PCSK5: variants seen among roughly 807,000 people sequenced by gnomAD.
PCSK5 encodes proprotein convertase subtilisin/kexin type 5.
A neutral mutation model predicts 233.2 loss-of-function variants in PCSK5; 129 were observed. The ratio of observed to expected loss-of-function variants is 0.55; its 90% CI spans 0.48 to 0.64. The LOEUF (loss-of-function observed/expected upper bound fraction) is 0.64. Among genes scored for constraint, PCSK5 ranks in the 30% least tolerant of loss-of-function variants. The probability of loss-of-function intolerance (pLI) is 0.00; values close to 1 mark genes in which losing one functional copy is unlikely to be tolerated. For missense variants in PCSK5, 2,076 were observed against 2,430.1 expected (o/e 0.85, Z 3.06); for synonymous variants, 825 against 879.2 (o/e 0.94, Z 1.09).
At chr9:75,992,346 C>T (rs2131406156) in intron 3 of PCSK5, among the ~76,000 whole-genome samples, 1 of 152,290 alleles carries the variant, frequency 6.6e-6, no homozygotes, top group South Asian at 2.1e-4. Flanking sequence ...ACATAAAACA[C>T]ATATTCGTAC....
intron 9 of PCSK5, among the ~76,000 whole-genome samples, chr9:76,130,961 G>C (rs551049255): frequency 6.6e-6 from 1 of 152,254 alleles, no homozygotes; most frequent in Admixed American, 6.5e-5. Flanking sequence ...TGTTGCACAA[G>C]TTTGTCTATT....
At chr9:76,270,460 A>T (rs1350074105) in intron 24 of PCSK5, among the ~76,000 whole-genome samples, 1 of 152,176 alleles carries the variant, frequency 6.6e-6, no homozygotes, top group Non-Finnish European at 1.5e-5. Flanking sequence ...TGGCCCCCAC[A>T]ATCTCCAAAG....
intron 1 of PCSK5, among the ~76,000 whole-genome samples, chr9:75,909,199 C>T (rs188658475): frequency 1.3e-5 from 2 of 151,666 alleles, no homozygotes; most frequent in Non-Finnish European, 2.9e-5. Context: ...GTGATGCACA[C>T]CTGTAGTGTC....
At chr9:76,251,633 C>G (rs144285423) in intron 24 of PCSK5, among the ~76,000 whole-genome samples, 2 of 151,086 alleles carry the variant, frequency 1.3e-5, no homozygotes, top group Non-Finnish European at 2.9e-5. Context: ...CATTAATATT[C>G]TCTTTGCTGA....
At chr9:75,989,613 G>T (rs148088370) in intron 3 of PCSK5, among the ~76,000 whole-genome samples, 5 of 152,290 alleles carry the variant, frequency 3.3e-5, no homozygotes, top group South Asian at 2.1e-4. Flanking sequence ...AGACTCAAAG[G>T]CTTGGTGAGA....
chr9:76,335,138 A>G (rs1315642405), intron 34 of PCSK5, among the ~76,000 whole-genome samples: 1 of 152,196 alleles, frequency 6.6e-6, no homozygotes, highest in Non-Finnish European at 1.5e-5. Context: ...GCCCTTCTGC[A>G]TCACCCTAGT....
chr9:76,030,260 G>A lies in PCSK5; in HGVS notation c.632+3223G>A, dbSNP rs1484625772. On this transcript the variant is annotated intron_variant, in intron 5 of 37. Coordinates refer to ENST00000674117, the MANE Select transcript of PCSK5 (RefSeq NM_001372043.1). ...ATAAACATTTTAGCTCTCCATGAGA[G>A]TCCTGAAAGGTTTTTTTCCCTTTAT... Among the ~76,000 whole-genome samples the A allele has an allele frequency of 1.2e-4, 18 of 152,102 alleles. 1 individual carries two copies. The highest frequency in any genetic ancestry group is 1.2e-3 in the Admixed American group (18 of 15,264).
chr9:76,234,591 T>C (rs1826193578), intron 22 of PCSK5, among the ~76,000 whole-genome samples: 1 of 152,244 alleles, frequency 6.6e-6, no homozygotes, highest in African/African-American at 2.4e-5. Context: ...TTGTGTTTCA[T>C]GTGTCAAAAC....
intron 28 of PCSK5, among the ~76,000 whole-genome samples, chr9:76,303,786 G>C (rs111490258): frequency 2.0e-5 from 3 of 152,288 alleles, no homozygotes; most frequent in African/African-American, 7.2e-5. Flanking sequence ...CAATCCTGTG[G>C]CCAAGGTGGC....
At chr9:76,289,689 C>T (rs1828219086) in intron 24 of PCSK5, among the ~76,000 whole-genome samples, 1 of 152,106 alleles carries the variant, frequency 6.6e-6, no homozygotes, top group South Asian at 2.1e-4. Context: ...AGTGGTCAAG[C>T]TAAATCCATT....
At chr9:76,315,254 C>T (rs1475360122) in intron 30 of PCSK5, among the ~76,000 whole-genome samples, 3 of 152,092 alleles carry the variant, frequency 2.0e-5, no homozygotes, top group African/African-American at 7.2e-5. Context: ...GTGACAGTAA[C>T]ATATATCATT....
chr9:75,999,466 G>C (rs1214714893), intron 3 of PCSK5, among the ~76,000 whole-genome samples: 1 of 152,188 alleles, frequency 6.6e-6, no homozygotes, highest in Non-Finnish European at 1.5e-5. Context: ...TGTTTCTATA[G>C]ATATTAAATT....
chr9:76,311,815 C>G (rs1175820771), intron 30 of PCSK5, among the ~76,000 whole-genome samples: 1 of 152,204 alleles, frequency 6.6e-6, no homozygotes, highest in East Asian at 1.9e-4. Flanking sequence ...TTAGCTCATC[C>G]TCTCTGACTG....
rs1827150691 is a variant in PCSK5 at position 76,260,870 on chromosome 9, G to T, written c.3142+20186G>T. Reference sequence around the variant, plus strand: ...TTTAAACTATGTAATAAAGTACTTGGCACATGGGAAGGGCTCAATAAATGT... The same window carrying T: ...TTTAAACTATGTAATAAAGTACTTGTCACATGGGAAGGGCTCAATAAATGT... On this transcript the variant is annotated intron_variant, in intron 24 of 37. Transcript: ENST00000674117. Among the ~76,000 whole-genome samples, 5 of 152,070 alleles carry T rather than the reference G, an allele frequency of 3.3e-5. No individual in the cohort carries two copies. The South Asian group carries it at 1.0e-3, about 32-fold the overall frequency.
intron 15 of PCSK5, among the ~76,000 whole-genome samples, chr9:76,180,079 G>GTC (rs1823785271): frequency 1.1e-5 from 1 of 92,412 alleles, no homozygotes; most frequent in Non-Finnish European, 2.1e-5. Flanking sequence ...ATATATATGT[G>GTC]TGTGTGTGTA....
At chr9:76,229,450 C>T (rs1390140) in intron 21 of PCSK5, among the ~76,000 whole-genome samples, 58,631 of 152,038 alleles carry the variant, frequency 0.39, 11,556 homozygotes, top group Middle Eastern at 0.42. Context: ...CTCTGTGATG[C>T]CAGGATCCTC....
chr9:76,097,800 C>T (rs199514473), intron 8 of PCSK5, among the ~76,000 whole-genome samples: 2 of 152,226 alleles, frequency 1.3e-5, no homozygotes, highest in African/African-American at 2.4e-5. Flanking sequence ...TCTAACTTTT[C>T]GGGGATGCCC....
chr9:76,135,806 T>C (rs927839985), intron 10 of PCSK5, among the ~76,000 whole-genome samples: 4 of 152,114 alleles, frequency 2.6e-5, no homozygotes, highest in Admixed American at 2.6e-4. Flanking sequence ...ACTAAGGACA[T>C]TAACCTCCAT....
chr9:76,150,812 C>G (rs544302758), intron 10 of PCSK5, among the ~76,000 whole-genome samples: 1 of 152,124 alleles, frequency 6.6e-6, no homozygotes, highest in Admixed American at 6.5e-5. Context: ...TATAAGAGTA[C>G]GCGAAGAAGA....
Sources: allele counts gnomAD v4.1 joint callset (sites outside exome capture counted in the v4.1 genomes callset), GRCh38; gene constraint gnomAD v4.1.1; transcripts MANE v1.5; gene names NCBI Gene and HGNC (gene_info 2026-07-23, HGNC 2026-07-21).